BRD10: variants seen among roughly 807,000 people sequenced by gnomAD.
The protein encoded by BRD10 is bromodomain containing 10.
At chr9:5,909,744 T>C in the BRD10 span, 2 of 152,242 alleles carry the variant, frequency 1.3e-5, no homozygotes, top group South Asian at 4.1e-4. Context: ...AATGTACCTA[T>C]GGCAATTTAG....
At chr9:5,977,642 T>C in the BRD10 span, among the ~76,000 whole-genome samples, 1 of 152,046 alleles carries the variant, frequency 6.6e-6, no homozygotes, top group Non-Finnish European at 1.5e-5. Flanking sequence ...GGTCAGGAGA[T>C]CGAGACCACG....
At chr9:5,908,106 T>C in the BRD10 span, among the ~76,000 whole-genome samples, 1 of 152,208 alleles carries the variant, frequency 6.6e-6, no homozygotes, top group East Asian at 1.9e-4. Flanking sequence ...AACTTACTAG[T>C]TGTGTGACCA....
the BRD10 span, chr9:5,892,585 G>A: frequency 1.9e-6 from 3 of 1,591,124 alleles, no homozygotes; most frequent in East Asian, 2.2e-5. Flanking sequence ...AGGGCTTCCA[G>A]TTTGCCGTTT....
the BRD10 span, among the ~76,000 whole-genome samples, chr9:5,958,016 T>C: frequency 6.6e-6 from 1 of 152,128 alleles, no homozygotes; most frequent in African/African-American, 2.4e-5. Context: ...AAACCTATAA[T>C]TATGCTGAAA....
the BRD10 span, among the ~76,000 whole-genome samples, chr9:5,967,833 G>C: frequency 6.6e-6 from 1 of 151,984 alleles, no homozygotes; most frequent in African/African-American, 2.4e-5. Flanking sequence ...TTTGTTGTAA[G>C]TATATAAAAT....
At chr9:5,892,424 T>C in the BRD10 span, 1 of 1,563,170 alleles carries the variant, frequency 6.4e-7, no homozygotes, top group Non-Finnish European at 8.7e-7. Flanking sequence ...GATGCATTAA[T>C]GATGCCCACA....
the BRD10 span, among the ~76,000 whole-genome samples, chr9:5,949,150 G>A: frequency 6.6e-6 from 1 of 152,058 alleles, no homozygotes; most frequent in Non-Finnish European, 1.5e-5. Flanking sequence ...TTTTAAGAGG[G>A]AGCAATTCAA....
chr9:5,988,234 A>G, the BRD10 span: 1 of 720,296 alleles, frequency 1.4e-6, no homozygotes, highest in African/African-American at 1.8e-5. Flanking sequence ...TTATGAATTC[A>G]TACTTTTGTA....
chr9:5,908,366 G>C, the BRD10 span, among the ~76,000 whole-genome samples: 2 of 152,278 alleles, frequency 1.3e-5, no homozygotes, highest in African/African-American at 4.8e-5. Flanking sequence ...GTTAGGGCTT[G>C]AGACTTTTAC....
At chr9:5,979,476 C>T in the BRD10 span, among the ~76,000 whole-genome samples, 2 of 151,340 alleles carry the variant, frequency 1.3e-5, no homozygotes, top group Non-Finnish European at 2.9e-5. Flanking sequence ...TCACATCATG[C>T]CAGCCTGGGA....
chr9:5,969,573 T>C, the BRD10 span: 3 of 659,646 alleles, frequency 4.5e-6, no homozygotes, highest in Non-Finnish European at 7.4e-6. Context: ...AGACAGAGTC[T>C]CGCTCTGTCC....
the BRD10 span, among the ~76,000 whole-genome samples, chr9:6,003,812 A>G: frequency 2.6e-5 from 4 of 152,148 alleles, no homozygotes; most frequent in African/African-American, 9.6e-5. Flanking sequence ...GATTACATGC[A>G]TTGCTGCTTT....
chr9:5,916,347 T>G, the BRD10 span, among the ~76,000 whole-genome samples: 1 of 152,132 alleles, frequency 6.6e-6, no homozygotes, highest in Non-Finnish European at 1.5e-5. Context: ...CAAGCAAACA[T>G]TTCCACTGAT....
chr9:5,985,684 C>G, the BRD10 span, among the ~76,000 whole-genome samples: 2 of 152,034 alleles, frequency 1.3e-5, no homozygotes, highest in East Asian at 3.9e-4. Flanking sequence ...ACTCAGGAGG[C>G]TGAGACAGGG....
At chr9:5,985,225 T>C in the BRD10 span, among the ~76,000 whole-genome samples, 1 of 152,172 alleles carries the variant, frequency 6.6e-6, no homozygotes, top group South Asian at 2.1e-4. Flanking sequence ...GTAAAGTTTT[T>C]CCTTACTTCA....
chr9:5,947,847 AT>A, the BRD10 span, among the ~76,000 whole-genome samples: 1 of 151,810 alleles, frequency 6.6e-6, no homozygotes, highest in Non-Finnish European at 1.5e-5. Flanking sequence ...GAGAACAAAG[AT>A]TTTTTTTTAA....
At chr9:5,906,872 A>G in the BRD10 span, 2 of 1,525,878 alleles carry the variant, frequency 1.3e-6, no homozygotes, top group African/African-American at 2.9e-5. Flanking sequence ...ACCTTTATCA[A>G]TTTACATTTC....
the BRD10 span, chr9:6,007,640 G>T: frequency 6.2e-7 from 1 of 1,603,198 alleles, no homozygotes; most frequent in South Asian, 1.1e-5. Flanking sequence ...GCGTCCTCCA[G>T]CGAGGAGGCA....
At chr9:5,898,264 GT>G in the BRD10 span, 1 of 152,760 alleles carries the variant, frequency 6.5e-6, no homozygotes, top group Non-Finnish European at 1.5e-5. Context: ...GCCCAGGCTG[GT>G]CTCAAACTCC....
Sources: allele counts gnomAD v4.1 joint callset (sites outside exome capture counted in the v4.1 genomes callset), GRCh38; gene constraint gnomAD v4.1.1; transcripts MANE v1.5; gene names NCBI Gene and HGNC (gene_info 2026-07-23, HGNC 2026-07-21).